The following NF1 variants were observed in gnomAD, a reference collection of about 807,000 sequenced individuals.
NF1 encodes neurofibromin.
A neutral mutation model predicts 325.7 loss-of-function variants in NF1; 122 were observed. That is an observed-to-expected ratio of 0.37 (90% CI 0.32 to 0.44). The LOEUF is 0.44. Ranked by LOEUF, NF1 falls within the 20% of genes least tolerant of loss-of-function variation. NF1 has a pLI of 1.00. For synonymous variants in NF1, 1,091 were observed against 1,186.0 expected (o/e 0.92, Z 1.65); for missense variants, 2,140 against 3,415.4 (o/e 0.63, Z 9.31).
At chr17:31,120,787 A>T (rs941641270) in intron 1 of NF1, among the ~76,000 whole-genome samples, 12 of 121,416 alleles carry the variant, frequency 9.9e-5, no homozygotes, top group Middle Eastern at 4.0e-3. Flanking sequence ...TAAAGTATTT[A>T]AAAAAAAAAA....
rs181993793 is a variant in NF1 at position 31,255,439 on chromosome 17, A to G, written c.4173+2439A>G. ...TGAATGAAAAAAAAACAGTCCTTTT[A>G]TAAGTTGACTTACGAAACTTGTTAT... On this transcript the variant is annotated intron_variant, in intron 31 of 57. Transcript: ENST00000358273. 4.7e-4 allele frequency among the ~76,000 whole-genome samples: 71 copies of G among 152,258 alleles called. 1 individual carries two copies. Among genetic ancestry groups the G allele is most frequent in the Admixed American group, 4.4e-3 (67 of 15,288 alleles).
intron 1 of NF1, among the ~76,000 whole-genome samples, chr17:31,104,384 C>T (rs922038526): frequency 2.0e-5 from 3 of 152,058 alleles, no homozygotes; most frequent in African/African-American, 7.2e-5. Flanking sequence ...CAGGAGGTAT[C>T]GGAAGGCTCT....
chr17:31,230,126 G>T (rs1438041081), intron 22 of NF1, 134 bp from the exon 23 acceptor site: 1 of 1,407,582 alleles, frequency 7.1e-7, no homozygotes, highest in Non-Finnish European at 9.9e-7. Flanking sequence ...AGTTGTGTAC[G>T]TTCTTTTCTA....
At chr17:31,226,882 A>T (rs965690064) in intron 18 of NF1, among the ~76,000 whole-genome samples, 198 bp downstream of exon 18, 1 of 152,236 alleles carries the variant, frequency 6.6e-6, no homozygotes, top group African/African-American at 2.4e-5. Context: ...CTGAGTTGTT[A>T]ATATGCTATA....
chr17:31,307,885 A>C (rs1428994261), intron 36 of NF1: 17 of 1,289,094 alleles, frequency 1.3e-5, no homozygotes, highest in Non-Finnish European at 1.7e-5. Context: ...TTTACAAATT[A>C]CCTTTTCAGC....
intron 48 of NF1, among the ~76,000 whole-genome samples, chr17:31,347,902 G>T (rs1236185108): frequency 1.3e-5 from 2 of 151,614 alleles, no homozygotes; most frequent in East Asian, 3.9e-4. Context: ...TGGAAATATA[G>T]ATCAGTCTTC....
At chr17:31,159,581 T>A (rs1478383688) in intron 3 of NF1, among the ~76,000 whole-genome samples, 1 of 152,200 alleles carries the variant, frequency 6.6e-6, no homozygotes, top group Non-Finnish European at 1.5e-5. Flanking sequence ...CACACAAATA[T>A]GCGATAGGTA....
intron 36 of NF1, chr17:31,296,490 T>C: frequency 2.8e-6 from 2 of 723,812 alleles, no homozygotes; most frequent in Admixed American, 4.0e-5. Context: ...AAAGCTCCCC[T>C]TCATTTATAG....
chr17:31,210,229 AT>A (rs2066704097), intron 12 of NF1, among the ~76,000 whole-genome samples: 2 of 152,200 alleles, frequency 1.3e-5, no homozygotes, highest in African/African-American at 4.8e-5. Context: ...CATATTGGGC[AT>A]TTAGTACATG....
chr17:31,199,205 TCAGTGTTTA>T (rs1243208242), intron 8 of NF1, among the ~76,000 whole-genome samples: 1 of 152,194 alleles, frequency 6.6e-6, no homozygotes, highest in Non-Finnish European at 1.5e-5. Flanking sequence ...TTTTTTGATG[TCAGTGTTTA>T]CAGGTTTACA....
At chr17:31,243,385 C>T (rs985775889) in intron 29 of NF1, among the ~76,000 whole-genome samples, 2 of 151,468 alleles carry the variant, frequency 1.3e-5, no homozygotes, top group African/African-American at 4.9e-5. Context: ...GCCAGGCTTG[C>T]GTCCTTTCGT....
intron 5 of NF1, among the ~76,000 whole-genome samples, chr17:31,180,248 C>CCT (rs1213221355): frequency 6.6e-6 from 1 of 152,192 alleles, no homozygotes; most frequent in African/African-American, 2.4e-5. Context: ...TTTTATGAGG[C>CCT]CAGCATCATG....
chr17:31,287,925 C>A (rs534883093), intron 36 of NF1, among the ~76,000 whole-genome samples: 73 of 95,356 alleles, frequency 7.7e-4, no homozygotes, highest in Non-Finnish European at 1.3e-3. Flanking sequence ...ACTCTGGGGA[C>A]TGTTGTGGGG....
chr17:31,263,353 T>A (rs2067728396), intron 35 of NF1, among the ~76,000 whole-genome samples: 1 of 152,012 alleles, frequency 6.6e-6, no homozygotes, highest in African/African-American at 2.4e-5. Context: ...GGTGGGAGGA[T>A]TGCTTGAGGA....
At chr17:31,223,649 A>G in intron 16 of NF1, 82 bp downstream of exon 16, 1 of 1,377,858 alleles carries the variant, frequency 7.3e-7, no homozygotes, top group Non-Finnish European at 1.0e-6. Context: ...TTTATAGCCA[A>G]ATTAGGTTCT....
At chr17:31,095,578 C>T (rs1413644155) in intron 1 of NF1, 1 of 579,716 alleles carries the variant, frequency 1.7e-6, no homozygotes, top group Non-Finnish European at 3.0e-6. Flanking sequence ...CTTGGGCACC[C>T]TTTCCCTCCT....
intron 46 of NF1, chr17:31,340,164 A>C (rs1370611987): frequency 3.3e-6 from 1 of 306,756 alleles, no homozygotes; most frequent in African/African-American, 2.2e-5. Flanking sequence ...TATAATAAAG[A>C]AGGTTGGCAT....
At chr17:31,320,705 T>G (rs1366197399) in intron 36 of NF1, among the ~76,000 whole-genome samples, 2 of 152,174 alleles carry the variant, frequency 1.3e-5, no homozygotes, top group Non-Finnish European at 2.9e-5. Context: ...AAGGCCCAAG[T>G]CACTGGCTTT....
intron 12 of NF1, among the ~76,000 whole-genome samples, chr17:31,211,499 C>G (rs891264150): frequency 1.3e-5 from 2 of 152,132 alleles, no homozygotes; most frequent in African/African-American, 4.8e-5. Flanking sequence ...AGGGACATGT[C>G]TTGAGAAATG....
Sources: gnomAD v4.1 joint callset for allele counts (sites outside exome capture counted in the v4.1 genomes callset) on GRCh38, gnomAD v4.1.1 for gene constraint, MANE v1.5 for transcripts, NCBI Gene and HGNC (gene_info 2026-07-23, HGNC 2026-07-21) for gene names.